PLEKHA7: variants seen among roughly 807,000 people sequenced by gnomAD.
The protein encoded by PLEKHA7 is pleckstrin homology domain-containing family A member 7.
Under a neutral mutation model 170.0 loss-of-function variants are expected in PLEKHA7, and 104 were observed. The observed-to-expected ratio is 0.61, with a 90% CI of 0.52 to 0.72. PLEKHA7 has a LOEUF of 0.72. Among genes scored for constraint, PLEKHA7 ranks in the 30% least tolerant of loss-of-function variants. The pLI is 0.00. For missense variants in PLEKHA7, 1,615 were observed against 1,671.7 expected, an observed-to-expected ratio of 0.97 and a Z score of 0.59; for synonymous variants, 648 against 660.8, an observed-to-expected ratio of 0.98 and a Z score of 0.30.
At chr11:16,934,406 A>AG (rs1165313169) in intron 3 of PLEKHA7, among the ~76,000 whole-genome samples, 1 of 151,978 alleles carries the variant, frequency 6.6e-6, no homozygotes, top group Admixed American at 6.6e-5. Flanking sequence ...AGAGGTTTGG[A>AG]GGGGAAAAAA....
At chr11:16,781,496 G>A (rs1257747784) in intron 26 of PLEKHA7, among the ~76,000 whole-genome samples, 1 of 152,146 alleles carries the variant, frequency 6.6e-6, no homozygotes, top group Non-Finnish European at 1.5e-5. Flanking sequence ...CTCAAAAGCT[G>A]CTAAGATGAA....
chr11:16,908,266 A>G (rs1033068069), intron 3 of PLEKHA7, among the ~76,000 whole-genome samples: 1 of 145,584 alleles, frequency 6.9e-6, no homozygotes, highest in African/African-American at 2.5e-5. Context: ...TAAAAAAAAA[A>G]AAAAGAAAAT....
In PLEKHA7 at chr11:16,816,213, G is replaced by A; in HGVS notation, c.1918C>T (p.His640Tyr). ...TGTAAACTGGGAGCGCTGACGGTGT[G>A]GGTCATGTAACCCATGGAGGGCATG... is the stretch of plus-strand genomic sequence containing the variant. ...RSMPSMGYMT[H>Y]TVSAPSLHGK... Residue 640 changes from histidine to tyrosine, a missense_variant, in exon 12 of 27, where the codon CAC becomes TAC. Coordinates refer to ENST00000531066, the MANE Select transcript of PLEKHA7 (RefSeq NM_001329630.2). 6.2e-7 allele frequency: 1 copy of A among 1,613,872 alleles called. No individual in the cohort carries two copies. The highest frequency in any genetic ancestry group is 8.5e-7 in the Non-Finnish European group (1 of 1,179,828).
At chr11:16,794,389 CATTTCCCCAA>C in intron 19 of PLEKHA7, 89 bp downstream of exon 19, 1 of 1,226,114 alleles carries the variant, frequency 8.2e-7, no homozygotes, top group Non-Finnish European at 1.2e-6. Context: ...TGGCTGGGTC[CATTTCCCCAA>C]GTTTTCCCAG....
At chr11:16,795,851 CTTTTTT>C (rs1179377641) in intron 17 of PLEKHA7, among the ~76,000 whole-genome samples, 43 of 93,080 alleles carry the variant, frequency 4.6e-4, no homozygotes, top group Non-Finnish European at 8.0e-4. Flanking sequence ...CAGTTTTTTC[CTTTTTT>C]TTTTTTTTTT....
intron 10 of PLEKHA7, among the ~76,000 whole-genome samples, chr11:16,819,284 G>T (rs1294276518): frequency 2.0e-5 from 3 of 152,140 alleles, no homozygotes; most frequent in Admixed American, 2.0e-4. Flanking sequence ...TTTTAGTAGA[G>T]ACGGGGTTTC....
At chr11:16,898,813 T>C (rs1030574631) in intron 3 of PLEKHA7, among the ~76,000 whole-genome samples, 2 of 152,160 alleles carry the variant, frequency 1.3e-5, no homozygotes, top group African/African-American at 2.4e-5. Flanking sequence ...TTCCCCCTAG[T>C]TCACTGTCCT....
chr11:16,860,965 T>G (rs1233004636), intron 4 of PLEKHA7, among the ~76,000 whole-genome samples: 1 of 152,158 alleles, frequency 6.6e-6, no homozygotes, highest in Non-Finnish European at 1.5e-5. Context: ...GAAATGACAC[T>G]GAAAACCATA....
intron 3 of PLEKHA7, among the ~76,000 whole-genome samples, chr11:16,934,999 G>A (rs1387739145): frequency 6.6e-6 from 1 of 152,226 alleles, no homozygotes; most frequent in Non-Finnish European, 1.5e-5. Context: ...TACTACATGT[G>A]AATGGGCGAT....
intron 24 of PLEKHA7, among the ~76,000 whole-genome samples, chr11:16,785,272 TG>T (rs564414040): frequency 8.5e-4 from 129 of 152,274 alleles, no homozygotes; most frequent in African/African-American, 2.9e-3. Context: ...CACACAGACC[TG>T]GGGGAAAGTT....
At chr11:16,947,283 AG>A (rs1169818796) in intron 3 of PLEKHA7, among the ~76,000 whole-genome samples, 1 of 152,170 alleles carries the variant, frequency 6.6e-6, no homozygotes, top group Non-Finnish European at 1.5e-5. Flanking sequence ...AATGGTATAG[AG>A]GCTCCTCAAA....
intron 8 of PLEKHA7, among the ~76,000 whole-genome samples, chr11:16,850,440 C>T (rs1353877925): frequency 6.6e-6 from 1 of 152,178 alleles, no homozygotes; most frequent in Non-Finnish European, 1.5e-5. Context: ...TCAATCCACC[C>T]CATCCTTACC....
chr11:16,804,159 T>C (rs1225256938), intron 13 of PLEKHA7, among the ~76,000 whole-genome samples: 1 of 152,164 alleles, frequency 6.6e-6, no homozygotes, highest in East Asian at 1.9e-4. Context: ...CTTTCACAGA[T>C]GCACCCTCCC....
chr11:16,779,622 C>T (rs1036846425), intron 26 of PLEKHA7, among the ~76,000 whole-genome samples: 4 of 152,192 alleles, frequency 2.6e-5, no homozygotes, highest in Admixed American at 6.5e-5. Context: ...ACCACGGGGC[C>T]TCTACTCCAC....
intron 26 of PLEKHA7, 143 bp from the exon 27 acceptor site, chr11:16,779,163 C>T: frequency 1.5e-6 from 1 of 675,372 alleles, no homozygotes; most frequent in Non-Finnish European, 2.7e-6. Flanking sequence ...CTGGGGGACC[C>T]TCAGCTTCCA....
intron 3 of PLEKHA7, among the ~76,000 whole-genome samples, chr11:16,992,083 C>CCA (rs397849654): frequency 6.6e-6 from 1 of 152,080 alleles, no homozygotes; most frequent in Non-Finnish European, 1.5e-5. Context: ...GGACCCCCCC[C>CCA]AGCCTGGGCA....
At chr11:16,913,063 T>A (rs1858365920) in intron 3 of PLEKHA7, among the ~76,000 whole-genome samples, 1 of 152,164 alleles carries the variant, frequency 6.6e-6, no homozygotes, top group Non-Finnish European at 1.5e-5. Flanking sequence ...ACAGCTGCTT[T>A]ATGCCAAGGG....
intron 4 of PLEKHA7, among the ~76,000 whole-genome samples, chr11:16,858,268 A>T (rs192541156): frequency 1.8e-4 from 28 of 152,336 alleles, no homozygotes; most frequent in Admixed American, 1.0e-3. Flanking sequence ...TATATATGTG[A>T]CTTCACATCT....
At chr11:16,788,841 G>A (rs180926189) in intron 23 of PLEKHA7, 565 of 568,918 alleles carry the variant, frequency 9.9e-4, no homozygotes, top group African/African-American at 9.3e-3. Flanking sequence ...CATCGCGGCT[G>A]GGAGGACTGA....
Sources: allele counts gnomAD v4.1 joint callset (sites outside exome capture counted in the v4.1 genomes callset), GRCh38; gene constraint gnomAD v4.1.1; transcripts MANE v1.5; gene names NCBI Gene and HGNC (gene_info 2026-07-23, HGNC 2026-07-21).